The following DISP3 variants were observed in gnomAD, a reference collection of about 807,000 sequenced individuals.
DISP3 encodes the protein dispatched RND transporter family member 3.
A neutral mutation model predicts 135.3 loss-of-function variants in DISP3; 101 were observed. That is an observed-to-expected ratio of 0.75 (90% CI 0.64 to 0.88). The LOEUF (loss-of-function observed/expected upper bound fraction) is 0.88, where lower values mean the gene tolerates loss of function less well. Ranked by LOEUF, DISP3 falls within the 40% of genes least tolerant of loss-of-function variation. The pLI is 0.00. For missense variants in DISP3, 1,713 were observed against 1,878.6 expected, an observed-to-expected ratio of 0.91 and a Z score of 1.63; for synonymous variants, 856 against 817.0, an observed-to-expected ratio of 1.05 and a Z score of -0.81.
At chr1:11,524,572 A>G (rs1011940244) in intron 11 of DISP3, among the ~76,000 whole-genome samples, 3 of 150,844 alleles carry the variant, frequency 2.0e-5, no homozygotes, top group Admixed American at 6.6e-5. Context: ...AGTCCACCCC[A>G]TCCCAGTGAC....
intron 3 of DISP3, among the ~76,000 whole-genome samples, chr1:11,509,227 T>C (rs2100434189): frequency 6.6e-6 from 1 of 152,328 alleles, no homozygotes; most frequent in East Asian, 1.9e-4. Flanking sequence ...TTGTTGCTAA[T>C]TTTTAATTTA....
In DISP3 at chr1:11,490,112, T is replaced by C. The variant is rs941897306; in HGVS notation, c.-4+10740T>C. Among the ~76,000 whole-genome samples the C allele has an allele frequency of 4.0e-5, 6 of 151,000 alleles. No individual in the cohort carries two copies. The South Asian group carries it at 1.3e-3, about 32-fold the overall frequency. On this transcript the variant is annotated intron_variant, in intron 1 of 20. Transcript: ENST00000294484. ...TACACCCAGGACTTGGGACTGAGGGTGGGAGAGATGTCGGGGGTGGGGGTG... is the reference window on the plus strand; with the variant it reads ...TACACCCAGGACTTGGGACTGAGGGCGGGAGAGATGTCGGGGGTGGGGGTG...
chr1:11,533,645 C>A, intron 17 of DISP3: 1 of 640,870 alleles, frequency 1.6e-6, no homozygotes, highest in Non-Finnish European at 2.8e-6. Context: ...AAGCCCCAGG[C>A]AGTTCCAGGG....
rs186485315 is a variant in DISP3, at chr1:11,499,906, A to G, written c.-3-1084A>G. Among the ~76,000 whole-genome samples the G allele has an allele frequency of 1.3e-4, 20 of 152,342 alleles. No individual in the cohort carries two copies. In the East Asian group the frequency reaches 3.7e-3, roughly 28 times the overall value. ...GCATTAATTAGCTAGCGCTAGCACA[A>G]TTAGCTTCCTCCTCTTACCGCCTAG... On this transcript the variant is annotated intron_variant, in intron 1 of 20. Coordinates refer to ENST00000294484, the MANE Select transcript of DISP3 (RefSeq NM_020780.2). The surrounding 1 kb of genome is among the most constrained non-coding windows in gnomAD (Gnocchi z 5.2).
chr1:11,536,461 CG>C lies in DISP3; in HGVS notation c.3956del (p.Gly1319AlafsTer16). 1 of 1,613,718 alleles carries C rather than the reference CG, an allele frequency of 6.2e-7. No individual in the cohort carries two copies. The highest frequency in any genetic ancestry group is 8.5e-7 in the Non-Finnish European group (1 of 1,180,000). On this transcript the variant is annotated frameshift_variant, in exon 21 of 21. Transcript: ENST00000294484. LOFTEE classifies it high-confidence loss of function. This position sits in a 1 kb window ranked among gnomAD's most constrained non-coding sequence, Gnocchi z 4.3. ...GCATCATCGCCCCATTTGCCAAGTTCGGCAAGATTGTGGCACTCAACACGGG... is the reference window on the plus strand; with the variant it reads ...GCATCATCGCCCCATTTGCCAAGTTCGCAAGATTGTGGCACTCAACACGGG... ...FCIIAPFAKF[G>X]KIVALNTGVS...
chr1:11,527,405 C>T (rs1468153230), intron 13 of DISP3, among the ~76,000 whole-genome samples: 3 of 152,094 alleles, frequency 2.0e-5, no homozygotes, highest in Non-Finnish European at 4.4e-5. Context: ...AAAAATTAGC[C>T]AGGCATGGTG....
chr1:11,490,559 G>A (rs1042370623), intron 1 of DISP3, among the ~76,000 whole-genome samples: 1 of 152,278 alleles, frequency 6.6e-6, no homozygotes, highest in Non-Finnish European at 1.5e-5. Context: ...GTGAGCCACC[G>A]TGACCGGCCA....
intron 3 of DISP3, among the ~76,000 whole-genome samples, chr1:11,511,410 A>C (rs763959053): frequency 1.3e-5 from 2 of 152,204 alleles, no homozygotes; most frequent in Non-Finnish European, 2.9e-5. Flanking sequence ...GAAATTGGCC[A>C]AAACAAAGGG....
chr1:11,532,626 G>T (rs979606711), intron 17 of DISP3, among the ~76,000 whole-genome samples: 1 of 152,138 alleles, frequency 6.6e-6, no homozygotes, highest in Non-Finnish European at 1.5e-5. Context: ...GCCCCAGATG[G>T]GTCTTTTTAG....
chr1:11,514,406 T>C lies in DISP3; in HGVS notation c.1333T>C (p.Tyr445His). 6.2e-7 allele frequency: 1 copy of C among 1,612,822 alleles called. No homozygotes were observed. The highest frequency in any genetic ancestry group is 1.1e-5 in the South Asian group (1 of 91,052). Residue 445 changes from tyrosine to histidine, a missense_variant, in exon 4 of 21, where the codon TAT becomes CAT. Tyr to His is a moderately conservative substitution (Grantham distance 83). Transcript: ENST00000294484. ...KQSTSKVQVL[Y>H]GGTDLFDYEV... ...TTCCCCCAGCAAAGTCCAGGTTCTC[T>C]ATGGGGGGACAGACCTGTTTGACTA... is the stretch of plus-strand genomic sequence containing the variant.
chr1:11,519,481 G>C lies in DISP3; in HGVS notation c.2016G>C (p.Leu672Phe). 1 of 1,613,626 alleles carries C rather than the reference G, an allele frequency of 6.2e-7. No homozygotes were observed. Among genetic ancestry groups the C allele is most frequent in the Non-Finnish European group, 8.5e-7 (1 of 1,180,012 alleles). The change falls in exon 8 of 21, where the codon TTG becomes TTC. Residue 672 changes from leucine (L) to phenylalanine (F), a missense_variant. Physicochemically the swap from Leu to Phe is conservative, Grantham distance 22. Transcript: ENST00000294484. This position sits in a 1 kb window ranked among gnomAD's most constrained non-coding sequence, Gnocchi z 4.3. ...CCTACCTGGATGATGACATCCCCTTGCTGGAGGTCGAGGAAGAGCCAGGTG... is the reference window on the plus strand; with the variant it reads ...CCTACCTGGATGATGACATCCCCTTCCTGGAGGTCGAGGAAGAGCCAGGTG... ...PIPYLDDDIP[L>F]LEVEEEPVSL...
chr1:11,529,625 C>T lies in DISP3; in HGVS notation c.2868C>T (p.Cys956=). The change falls in exon 14 of 21, where the codon TGC becomes TGT. Residue 956 remains cysteine, a synonymous_variant. Coordinates refer to ENST00000294484, the MANE Select transcript of DISP3 (RefSeq NM_020780.2). The surrounding 1 kb of genome is among the most constrained non-coding windows in gnomAD (Gnocchi z 4.7). ...GCGTATGCATGGCACCCCCTGGCTG[C>T]CTGCTTAGCTCCAGCCCCGATGGGC... is the stretch of plus-strand genomic sequence containing the variant. ...HGRVCMAPPG[C]LLSSSPDGPT... 6.2e-7 allele frequency: 1 copy of T among 1,609,300 alleles called. No homozygotes were observed. The highest frequency in any genetic ancestry group is 8.5e-7 in the Non-Finnish European group (1 of 1,176,338).
intron 10 of DISP3, among the ~76,000 whole-genome samples, chr1:11,521,261 G>GGA (rs1642180245): frequency 1.3e-4 from 17 of 134,046 alleles, no homozygotes; most frequent in South Asian, 2.6e-4. Flanking sequence ...GGGAGAGGAG[G>GGA]AAAGAAGAGG....
rs74055718 is a variant in DISP3, at chr1:11,515,877, A to T, written c.1589-124A>T. 8,790 of 1,153,682 alleles carry T rather than the reference A, an allele frequency of 7.6e-3. 422 individuals are homozygous for T. In the African/African-American group the frequency reaches 0.11, roughly 15 times the overall value. The allele number at this position is 1,153,682 out of a possible 1,614,324, so 71.5% of individuals were successfully genotyped here. On this transcript the variant is annotated intron_variant, in intron 5 of 20. Coordinates refer to ENST00000294484, the MANE Select transcript of DISP3 (RefSeq NM_020780.2). ...AGGGGTCTCTCCAAACTGTAAGCTC[A>T]GAAGCAGGACTCCTGCAGCCTGACC...
rs368363308 is a variant in DISP3, at chr1:11,535,066, G to A, written c.3591G>A (p.Ala1197=). Residue 1197 remains alanine, a synonymous_variant, in exon 19 of 21, where the codon GCG becomes GCA. Coordinates refer to ENST00000294484, the MANE Select transcript of DISP3 (RefSeq NM_020780.2). Reference sequence around the variant, plus strand: ...TATCCCTGCTCATCTGCGTGGCCGCGGTGGCCGTGTTCACCACCCACATCC... The same window carrying A: ...TATCCCTGCTCATCTGCGTGGCCGCAGTGGCCGTGTTCACCACCCACATCC... ...LVLSLLICVA[A]VAVFTTHILL... 48 of 1,607,968 alleles carry A rather than the reference G, an allele frequency of 3.0e-5. No homozygotes were observed. Among genetic ancestry groups the A allele is most frequent in the South Asian group, 7.8e-5 (7 of 89,660 alleles).
At chr1:11,517,678 C>T in intron 7 of DISP3, 76 bp downstream of exon 7, 2 of 1,547,060 alleles carry the variant, frequency 1.3e-6, no homozygotes, top group South Asian at 2.3e-5. Flanking sequence ...GCAGCAACCT[C>T]TCTTCCAAAA....
At chr1:11,522,650 G>A (rs371097095) in intron 10 of DISP3, among the ~76,000 whole-genome samples, 7,404 of 40,516 alleles carry the variant, frequency 0.18, 24 homozygotes, top group Admixed American at 0.23. Context: ...GCCCAGCCAG[G>A]GCCCAGCCAG....
Position 11,519,568 on chromosome 1 carries a change from A to C in DISP3, c.2038+65A>C. On this transcript the variant is annotated intron_variant, in intron 8 of 20. Coordinates refer to ENST00000294484, the MANE Select transcript of DISP3 (RefSeq NM_020780.2). This position sits in a 1 kb window ranked among gnomAD's most constrained non-coding sequence, Gnocchi z 4.3. ...GACCCAGCGCTGCCTCTGCCAGGGG[A>C]GTAACACTTGACAAGTTGGTCCTGA... 1 of 1,590,976 alleles carries C rather than the reference A, an allele frequency of 6.3e-7. No individual in the cohort carries two copies. Among genetic ancestry groups the C allele is most frequent in the South Asian group, 1.1e-5 (1 of 89,120 alleles).
At chr1:11,510,708 A>T (rs1026395446) in intron 3 of DISP3, among the ~76,000 whole-genome samples, 1 of 152,152 alleles carries the variant, frequency 6.6e-6, no homozygotes, top group Non-Finnish European at 1.5e-5. Flanking sequence ...ACAGTGGCTA[A>T]CACCTGTAAT....
Sources: gnomAD v4.1 joint callset for allele counts (sites outside exome capture counted in the v4.1 genomes callset) on GRCh38, gnomAD v4.1.1 for gene constraint, Gnocchi (gnomAD v3.1) non-coding constraint, MANE v1.5 for transcripts, NCBI Gene and HGNC (gene_info 2026-07-23, HGNC 2026-07-21) for gene names.